Variants in ZNF713 observed in about 807,000 individuals in gnomAD.
ZNF713 encodes the protein zinc finger protein 713.
In ZNF713, 21 loss-of-function variants were observed where a neutral mutation model predicts 28.7. The observed-to-expected ratio is 0.73, with a 90% confidence interval of 0.52 to 1.05. The LOEUF (loss-of-function observed/expected upper bound fraction) is 1.05, where lower values mean the gene tolerates loss of function less well. Among genes scored for constraint, ZNF713 ranks in the 50% least tolerant of loss-of-function variants. ZNF713 has a pLI of 0.00. For missense variants in ZNF713, 458 were observed against 532.4 expected, an observed-to-expected ratio of 0.86 and a Z score of 1.37; for synonymous variants, 167 against 178.0, an observed-to-expected ratio of 0.94 and a Z score of 0.49.
intron 4 of ZNF713, among the ~76,000 whole-genome samples, chr7:55,922,538 A>C (rs111772924): frequency 7.2e-6 from 1 of 139,624 alleles, no homozygotes; most frequent in Non-Finnish European, 1.6e-5. Flanking sequence ...ACTCTGTCTC[A>C]AAAAAAAAAA....
chr7:55,895,451 CTTTTTTTTTTTTTTTTTTTTT>C (rs55972416), intron 1 of ZNF713, among the ~76,000 whole-genome samples: 4 of 82,398 alleles, frequency 4.9e-5, no homozygotes, highest in Middle Eastern at 6.8e-3. Flanking sequence ...CTGTTATACT[CTTTTTTTTTTTTTTTTTTTTT>C]TTTTTTTTTT....
intron 1 of ZNF713, among the ~76,000 whole-genome samples, chr7:55,891,554 G>A (rs894659548): frequency 1.3e-5 from 2 of 152,068 alleles, no homozygotes; most frequent in Admixed American, 6.6e-5. Flanking sequence ...AAAGCCACAC[G>A]TGGTGGTGCG....
intron 6 of ZNF713, among the ~76,000 whole-genome samples, chr7:55,936,259 T>C (rs1397918963): frequency 2.7e-5 from 2 of 73,130 alleles, no homozygotes; most frequent in African/African-American, 1.6e-4. Flanking sequence ...AATGAGACTC[T>C]GTCCCAAAAA....
intron 6 of ZNF713, among the ~76,000 whole-genome samples, chr7:55,933,709 C>T (rs548255515): frequency 6.6e-6 from 1 of 151,810 alleles, no homozygotes; most frequent in Admixed American, 6.6e-5. Context: ...TTGTTTTTGT[C>T]GTTGTTGTTT....
chr7:55,929,601 T>C (rs946911193), intron 6 of ZNF713, among the ~76,000 whole-genome samples: 1 of 152,000 alleles, frequency 6.6e-6, no homozygotes, highest in African/African-American at 2.4e-5. Context: ...ATAAGAGATC[T>C]GGAAGAGGCT....
intron 4 of ZNF713, among the ~76,000 whole-genome samples, chr7:55,921,445 GA>G (rs1785991895): frequency 6.6e-6 from 1 of 152,152 alleles, no homozygotes; most frequent in African/African-American, 2.4e-5. Context: ...AAGCCTCCTG[GA>G]AAAAAATCAC....
intron 1 of ZNF713, among the ~76,000 whole-genome samples, chr7:55,890,855 T>TA (rs1228909038): frequency 6.6e-6 from 1 of 151,824 alleles, no homozygotes; most frequent in Non-Finnish European, 1.5e-5. Flanking sequence ...CCCCATCTCC[T>TA]AAAAATACAA....
chr7:55,919,490 G>GGTTTTTTTTTTTTTTTTTTT (rs1785944986), intron 4 of ZNF713, among the ~76,000 whole-genome samples: 1 of 66,760 alleles, frequency 1.5e-5, no homozygotes, highest in Non-Finnish European at 3.1e-5. Flanking sequence ...AAACACTCCA[G>GGTTTTTTTTTTTTTTTTTTT]TTTTTTTTTT....
intron 6 of ZNF713, among the ~76,000 whole-genome samples, chr7:55,938,763 C>T (rs144954438): frequency 2.0e-4 from 30 of 152,288 alleles, no homozygotes; most frequent in African/African-American, 6.7e-4. Context: ...ATGATTACTG[C>T]ACATGTTTAA....
intron 2 of ZNF713, among the ~76,000 whole-genome samples, chr7:55,909,628 C>G (rs958446133): frequency 2.0e-5 from 3 of 152,066 alleles, no homozygotes; most frequent in Admixed American, 2.0e-4. Flanking sequence ...TTGCTTTGAA[C>G]AGTATGGCCA....
chr7:55,907,671 C>G (rs560280264), intron 2 of ZNF713, among the ~76,000 whole-genome samples: 3 of 152,156 alleles, frequency 2.0e-5, no homozygotes, highest in African/African-American at 7.2e-5. Flanking sequence ...CTACATGCAC[C>G]CATTGTTTAG....
intron 6 of ZNF713, chr7:55,924,374 C>T (rs1786053846): frequency 1.3e-5 from 2 of 152,342 alleles, no homozygotes; most frequent in East Asian, 1.9e-4. Context: ...GCTTGTGATG[C>T]ACACGATTCT....
At chr7:55,892,569 A>C (rs1300863254) in intron 1 of ZNF713, among the ~76,000 whole-genome samples, 2 of 149,926 alleles carry the variant, frequency 1.3e-5, no homozygotes, top group East Asian at 2.0e-4. Context: ...AAAAAAAAAA[A>C]AAAAAAAAAC....
At position 55,914,947 on chromosome 7, in the gene ZNF713, C is replaced by T. The variant is rs563627774; in HGVS notation, c.87+2224C>T. Among the ~76,000 whole-genome samples, 147 of 152,254 alleles carry T rather than the reference C, an allele frequency of 9.7e-4. 1 individual carries two copies. The Middle Eastern group carries it at 0.01, about 11-fold the overall frequency. On this transcript the variant is annotated intron_variant, in intron 4 of 6. Coordinates refer to ENST00000429591, the MANE Select transcript of ZNF713 (RefSeq NM_182633.3). The stretch of plus-strand genomic sequence containing the variant: ...TCGGCTCACTACAACCTCCGCCTCC[C>T]GGGTTCAAGTGATTCTCCTGCCTCA...
intron 2 of ZNF713, among the ~76,000 whole-genome samples, chr7:55,909,196 C>CAAAAAAAAAAAAAAAAAAAA (rs71015121): frequency 1.9e-5 from 1 of 53,362 alleles, no homozygotes; most frequent in Non-Finnish European, 3.6e-5. Context: ...AAGACTCCGT[C>CAAAAAAAAAAAAAAAAAAAA]AAAAAAAAAA....
intron 5 of ZNF713, 147 bp downstream of exon 5, chr7:55,923,435 T>A: frequency 8.4e-7 from 1 of 1,189,826 alleles, no homozygotes; most frequent in Non-Finnish European, 1.2e-6. Flanking sequence ...CTTTGTTTTC[T>A]GCTCTTTCTC....
chr7:55,926,581 C>T (rs992887960), intron 6 of ZNF713, among the ~76,000 whole-genome samples: 3 of 152,176 alleles, frequency 2.0e-5, no homozygotes, highest in South Asian at 2.1e-4. Flanking sequence ...TAATTCTGCA[C>T]GCCCACTAGG....
intron 3 of ZNF713, among the ~76,000 whole-genome samples, 161 bp downstream of exon 3, chr7:55,912,229 A>G (rs151202394): frequency 2.6e-5 from 4 of 151,930 alleles, no homozygotes; most frequent in African/African-American, 4.8e-5. Flanking sequence ...TGTGCTCTCC[A>G]TCGCCTCATC....
chr7:55,901,467 T>A (rs1584299682), intron 1 of ZNF713, among the ~76,000 whole-genome samples: 1 of 152,196 alleles, frequency 6.6e-6, no homozygotes, highest in Non-Finnish European at 1.5e-5. Flanking sequence ...AAATATATAT[T>A]AATGCATCAC....
Sources: allele counts gnomAD v4.1 joint callset (sites outside exome capture counted in the v4.1 genomes callset), GRCh38; gene constraint gnomAD v4.1.1; transcripts MANE v1.5; gene names NCBI Gene and HGNC (gene_info 2026-07-23, HGNC 2026-07-21).